The following NCKAP5 variants were observed in gnomAD, a reference collection of about 807,000 sequenced individuals.
NCKAP5 encodes NCK associated protein 5.
In NCKAP5, 92 loss-of-function variants were observed where a neutral mutation model predicts 167.0. The ratio of observed to expected loss-of-function variants is 0.55; its 90% confidence interval spans 0.47 to 0.66. The LOEUF (loss-of-function observed/expected upper bound fraction) is 0.66, where lower values mean the gene tolerates loss of function less well. Ranked by LOEUF, NCKAP5 falls within the 30% of genes least tolerant of loss-of-function variation. The pLI is 0.00. For synonymous variants in NCKAP5, 891 were observed against 877.4 expected, an observed-to-expected ratio of 1.02 and a Z score of -0.27; for missense variants, 2,378 against 2,315.0, an observed-to-expected ratio of 1.03 and a Z score of -0.56.
intron 8 of NCKAP5, among the ~76,000 whole-genome samples, chr2:132,883,224 A>ACAC (rs1186782736): frequency 6.6e-6 from 1 of 151,648 alleles, no homozygotes; most frequent in Non-Finnish European, 1.5e-5. Flanking sequence ...ACACACACAC[A>ACAC]CACACACACA....
At chr2:133,529,021 G>GA (rs1416248175) in intron 2 of NCKAP5, among the ~76,000 whole-genome samples, 3 of 151,932 alleles carry the variant, frequency 2.0e-5, no homozygotes, top group East Asian at 3.9e-4. Context: ...CTTACTCAAG[G>GA]AAAAAAATCC....
At chr2:133,316,597 T>G (rs962430132) in intron 3 of NCKAP5, among the ~76,000 whole-genome samples, 1 of 152,264 alleles carries the variant, frequency 6.6e-6, no homozygotes, top group Non-Finnish European at 1.5e-5. Flanking sequence ...TTTGTGGATG[T>G]GCAGATTTCA....
At chr2:133,657,544 A>T in the NCKAP5 span, among the ~76,000 whole-genome samples, 2 of 152,220 alleles carry the variant, frequency 1.3e-5, no homozygotes, top group Non-Finnish European at 2.9e-5. Flanking sequence ...AATGGTGGAC[A>T]TCTACTTTCT....
At chr2:132,706,927 G>T (rs1337817431) in intron 19 of NCKAP5, among the ~76,000 whole-genome samples, 1 of 152,130 alleles carries the variant, frequency 6.6e-6, no homozygotes. Flanking sequence ...AGTGACTCCG[G>T]CCTAAAAAGA....
intron 16 of NCKAP5, among the ~76,000 whole-genome samples, chr2:132,756,921 C>T (rs1223737353): frequency 6.6e-6 from 1 of 152,166 alleles, no homozygotes; most frequent in African/African-American, 2.4e-5. Flanking sequence ...AATGGAGTTA[C>T]AGGCAGAGAC....
At chr2:132,859,731 A>G (rs1191657427) in intron 11 of NCKAP5, among the ~76,000 whole-genome samples, 5 of 152,172 alleles carry the variant, frequency 3.3e-5, no homozygotes, top group Non-Finnish European at 7.3e-5. Context: ...GCTTAGCCTC[A>G]GAAGGGCTTG....
At chr2:132,862,803 T>A (rs1408543543) in intron 10 of NCKAP5, among the ~76,000 whole-genome samples, 1 of 151,768 alleles carries the variant, frequency 6.6e-6, no homozygotes, top group African/African-American at 2.4e-5. Flanking sequence ...AGGTGAAACT[T>A]TCTTTATTTT....
At chr2:133,187,470 C>T (rs2084997983) in intron 5 of NCKAP5, among the ~76,000 whole-genome samples, 1 of 151,952 alleles carries the variant, frequency 6.6e-6, no homozygotes, top group Non-Finnish European at 1.5e-5. Context: ...TGGGAAGATC[C>T]CTTGAACCCA....
chr2:132,935,475 G>C (rs1168842784), intron 8 of NCKAP5, among the ~76,000 whole-genome samples: 1 of 152,172 alleles, frequency 6.6e-6, no homozygotes, highest in Non-Finnish European at 1.5e-5. Flanking sequence ...ATAGGATTTA[G>C]ACAGGTGAAT....
At chr2:133,626,957 A>G in the NCKAP5 span, among the ~76,000 whole-genome samples, 1 of 152,020 alleles carries the variant, frequency 6.6e-6, no homozygotes, top group African/African-American at 2.4e-5. Flanking sequence ...CCGGTGAACA[A>G]AATAGTTAAA....
chr2:133,031,901 T>A (rs2078893121), intron 6 of NCKAP5, among the ~76,000 whole-genome samples: 1 of 152,000 alleles, frequency 6.6e-6, no homozygotes, highest in Admixed American at 6.6e-5. Context: ...AAGGACCCAG[T>A]CTTGGCAGCA....
chr2:132,721,454 G>A (rs527277524), intron 19 of NCKAP5, among the ~76,000 whole-genome samples: 9 of 152,236 alleles, frequency 5.9e-5, no homozygotes, highest in Admixed American at 1.3e-4. Context: ...CCTCTATTAA[G>A]AGCCTTGTTA....
intron 4 of NCKAP5, among the ~76,000 whole-genome samples, chr2:133,280,770 G>C (rs1172389373): frequency 6.6e-6 from 1 of 152,198 alleles, no homozygotes; most frequent in Non-Finnish European, 1.5e-5. Flanking sequence ...TATTGGAATA[G>C]TTATACCTGT....
chr2:133,567,657 C>CTCTGTGTGTGTGTGTG (rs375516676), intron 1 of NCKAP5, among the ~76,000 whole-genome samples: 63 of 130,992 alleles, frequency 4.8e-4, no homozygotes, highest in African/African-American at 1.7e-3. Flanking sequence ...ATGAATGAGC[C>CTCTGTGTGTGTGTGTG]TGTGTGTGTG....
chr2:133,204,363 C>T (rs1480002371), intron 5 of NCKAP5, among the ~76,000 whole-genome samples: 1 of 152,168 alleles, frequency 6.6e-6, no homozygotes, highest in East Asian at 1.9e-4. Flanking sequence ...ATGGACATAA[C>T]TGAAGACTCC....
rs534133407 is a variant in NCKAP5 at position 133,389,820 on chromosome 2, T to G, written c.70-86710A>C. 4.6e-5 allele frequency among the ~76,000 whole-genome samples: 7 copies of G among 152,344 alleles called. No homozygotes were observed. In the Middle Eastern group the frequency reaches 0.01, roughly 222 times the overall value. On this transcript the variant is annotated intron_variant, in intron 3 of 19. Transcript: ENST00000409261. The stretch of plus-strand genomic sequence containing the variant: ...AATGTTGAGCAATGAACTCAATTCT[T>G]TTCACACAGTTACTTGGCTTTTTCA...
At chr2:133,206,668 C>G (rs1394707324) in intron 5 of NCKAP5, among the ~76,000 whole-genome samples, 1 of 152,100 alleles carries the variant, frequency 6.6e-6, no homozygotes, top group East Asian at 1.9e-4. Flanking sequence ...AACAGAATAA[C>G]AGCAATATTC....
chr2:133,538,659 A>C (rs1021349885), intron 2 of NCKAP5, among the ~76,000 whole-genome samples: 2 of 152,160 alleles, frequency 1.3e-5, no homozygotes, highest in Non-Finnish European at 2.9e-5. Context: ...TCAAGTATAC[A>C]TCAGGCACCA....
intron 16 of NCKAP5, among the ~76,000 whole-genome samples, chr2:132,740,544 A>G (rs1225667785): frequency 6.6e-6 from 1 of 152,164 alleles, no homozygotes; most frequent in Non-Finnish European, 1.5e-5. Flanking sequence ...CAAGTAGTAA[A>G]AAGTGATTAT....
Sources: allele counts gnomAD v4.1 joint callset (sites outside exome capture counted in the v4.1 genomes callset), GRCh38; gene constraint gnomAD v4.1.1; transcripts MANE v1.5; gene names NCBI Gene and HGNC (gene_info 2026-07-23, HGNC 2026-07-21).